Variants in SATB2 observed in about 807,000 individuals in gnomAD.
The protein encoded by SATB2 is DNA-binding protein SATB2.
A neutral mutation model predicts 73.4 loss-of-function variants in SATB2; 1 was observed. The observed-to-expected ratio is 0.01, with a 90% CI of 0.00 to 0.06. The LOEUF is 0.06. SATB2 is among the 10% of genes least tolerant of loss of function. The probability of loss-of-function intolerance (pLI) is 1.00; values close to 1 mark genes in which losing one functional copy is unlikely to be tolerated. For synonymous variants in SATB2, 397 were observed against 367.0 expected (o/e 1.08, Z -0.93); for missense variants, 459 against 945.8 (o/e 0.49, Z 6.75).
chr2:199,429,246 A>C (rs1450497672), intron 3 of SATB2, among the ~76,000 whole-genome samples: 2 of 152,216 alleles, frequency 1.3e-5, no homozygotes, highest in Non-Finnish European at 2.9e-5. Flanking sequence ...TTATTCAAAG[A>C]ATTCATGAAG....
chr2:199,370,268 G>C (rs914681577), intron 5 of SATB2, among the ~76,000 whole-genome samples: 1 of 149,694 alleles, frequency 6.7e-6, no homozygotes, highest in African/African-American at 2.5e-5. Flanking sequence ...TTTCTATCTC[G>C]TGTCTCACAT....
At chr2:199,409,325 C>G (rs1690739091) in intron 3 of SATB2, among the ~76,000 whole-genome samples, 1 of 152,064 alleles carries the variant, frequency 6.6e-6, no homozygotes, top group Non-Finnish European at 1.5e-5. Context: ...CATGTGCCAC[C>G]ACGCCCGGCT....
At chr2:199,307,187 C>T (rs1429897747) in intron 10 of SATB2, among the ~76,000 whole-genome samples, 12 of 152,012 alleles carry the variant, frequency 7.9e-5, no homozygotes, top group Non-Finnish European at 1.8e-4. Flanking sequence ...TTGTCTGAGG[C>T]TATCCATTTC....
intron 9 of SATB2, among the ~76,000 whole-genome samples, chr2:199,318,126 T>C (rs892979283): frequency 1.3e-5 from 2 of 152,098 alleles, no homozygotes; most frequent in East Asian, 3.9e-4. Flanking sequence ...TGAATATAAA[T>C]GGCAAAAGCA....
At chr2:199,376,674 C>G (rs972278592) in intron 5 of SATB2, among the ~76,000 whole-genome samples, 6 of 152,050 alleles carry the variant, frequency 3.9e-5, no homozygotes, top group Non-Finnish European at 5.9e-5. Flanking sequence ...TAAGAGATGG[C>G]CTCTGTTATT....
chr2:199,326,492 G>A (rs901640279), intron 8 of SATB2, among the ~76,000 whole-genome samples: 4 of 152,002 alleles, frequency 2.6e-5, no homozygotes, highest in Admixed American at 6.6e-5. Flanking sequence ...AAGCTATTAG[G>A]TCTTTGAAAA....
intron 10 of SATB2, among the ~76,000 whole-genome samples, chr2:199,293,166 G>C (rs77674539): frequency 0.014 from 2,162 of 152,222 alleles, 58 homozygotes; most frequent in African/African-American, 0.049. Context: ...CCTTTTCTAG[G>C]TTCATGCAGC....
rs1481968366 is a variant in SATB2, at chr2:199,297,278, G to A, written c.1740+11482C>T. Among the ~76,000 whole-genome samples, 5 of 152,012 alleles carry A rather than the reference G, an allele frequency of 3.3e-5. No individual in the cohort carries two copies. The South Asian group carries it at 6.2e-4, about 19-fold the overall frequency. On this transcript the variant is annotated intron_variant, in intron 10 of 10. Transcript: ENST00000417098. ...AAATTTGCAAATGTTTTACTTTTTTGTTTTTGTTTGGTTTGAGTAAATTAG... is the reference window on the plus strand; with the variant it reads ...AAATTTGCAAATGTTTTACTTTTTTATTTTTGTTTGGTTTGAGTAAATTAG...
At chr2:199,423,684 AC>A (rs1267669121) in intron 3 of SATB2, 4 of 152,154 alleles carry the variant, frequency 2.6e-5, no homozygotes, top group Admixed American at 2.6e-4. Context: ...GCTATTTATT[AC>A]CATGGCTCTG....
chr2:199,348,818 C>T lies in SATB2; in HGVS notation c.1056G>A (p.Glu352=). 6.2e-7 allele frequency: 1 copy of T among 1,613,634 alleles called. No individual in the cohort carries two copies. Among genetic ancestry groups the T allele is most frequent in the Non-Finnish European group, 8.5e-7 (1 of 1,179,578 alleles). ...HPPIPRAVKP[E]PTNSSVEVSP... ...AGACTTCCACGGAAGAGTTGGTTGG[C>T]TCTGGCTTAACTGCTCTGGGGATGG... The change falls in exon 7 of 11, where the codon GAG becomes GAA. Residue 352 remains glutamate (E), a synonymous_variant. Coordinates refer to ENST00000417098, the MANE Select transcript of SATB2 (RefSeq NM_001172509.2).
At chr2:199,405,904 G>C (rs1690617225) in intron 3 of SATB2, among the ~76,000 whole-genome samples, 1 of 152,136 alleles carries the variant, frequency 6.6e-6, no homozygotes. Context: ...GTCAAGGTAA[G>C]TGGAGTGGGT....
rs1477558914 is a variant in SATB2 at position 199,457,884 on chromosome 2, G to A, written c.-605C>T. ...AGGAAACGCGGCGGCCGCCCAAGCT[G>A]TCACCTCCAGCCTCTCCCCTCTCGG... On this transcript the variant is annotated 5_prime_UTR_variant, in exon 1 of 11. Transcript: ENST00000417098. The surrounding 1 kb of genome is among the most constrained non-coding windows in gnomAD (Gnocchi z 4.8). The A allele has an allele frequency of 6.5e-6, 1 of 153,178 alleles. No homozygotes were observed. Among genetic ancestry groups the A allele is most frequent in the East Asian group, 1.9e-4 (1 of 5,158 alleles). The allele number at this position is 153,178 out of a possible 1,614,324, so 9.5% of individuals were successfully genotyped here. A position where few individuals can be genotyped will look rare whatever the true frequency, so the allele number is the denominator to read the frequency against.
chr2:199,417,958 T>C (rs1166368018), intron 3 of SATB2, among the ~76,000 whole-genome samples: 1 of 152,200 alleles, frequency 6.6e-6, no homozygotes, highest in Non-Finnish European at 1.5e-5. Flanking sequence ...GTACTTCACA[T>C]CCAGTATCTC....
intron 10 of SATB2, among the ~76,000 whole-genome samples, chr2:199,290,217 G>A (rs1176308706): frequency 6.6e-6 from 1 of 152,236 alleles, no homozygotes; most frequent in Non-Finnish European, 1.5e-5. Context: ...GAAGCCTTCT[G>A]AGTTCTCCAA....
At chr2:199,342,685 AAAGAGAAATGT>A (rs1688541027) in intron 7 of SATB2, among the ~76,000 whole-genome samples, 2 of 152,304 alleles carry the variant, frequency 1.3e-5, no homozygotes, top group South Asian at 4.1e-4. Flanking sequence ...TAGCAAACCA[AAAGAGAAATGT>A]AAGGATAAAA....
At chr2:199,410,258 C>T (rs1690771743) in intron 3 of SATB2, among the ~76,000 whole-genome samples, 2 of 152,178 alleles carry the variant, frequency 1.3e-5, no homozygotes. Context: ...TTGGGTCAGC[C>T]ACATCTAATC....
chr2:199,433,575 G>A (rs1691567687), intron 2 of SATB2, 61 bp from the exon 3 acceptor site: 13 of 1,469,236 alleles, frequency 8.8e-6, no homozygotes, highest in African/African-American at 1.4e-5. Context: ...CAGTCACCAC[G>A]ATGAGAAGGG....
intron 10 of SATB2, among the ~76,000 whole-genome samples, chr2:199,285,731 AAAAG>A (rs899537711): frequency 6.6e-6 from 1 of 152,034 alleles, no homozygotes; most frequent in African/African-American, 2.4e-5. Flanking sequence ...TTTAAAAAAA[AAAAG>A]AGAGAGAGAG....
chr2:199,408,050 C>T (rs1292176343), intron 3 of SATB2, among the ~76,000 whole-genome samples: 3 of 152,102 alleles, frequency 2.0e-5, no homozygotes, highest in Non-Finnish European at 4.4e-5. Flanking sequence ...AACCTTGGAC[C>T]TGACAGGGTA....
Sources: gnomAD v4.1 joint callset for allele counts (sites outside exome capture counted in the v4.1 genomes callset) on GRCh38, gnomAD v4.1.1 for gene constraint, Gnocchi (gnomAD v3.1) non-coding constraint, MANE v1.5 for transcripts, NCBI Gene and HGNC (gene_info 2026-07-23, HGNC 2026-07-21) for gene names.